Variants in KHDRBS2 observed in about 807,000 individuals in gnomAD.
KHDRBS2 encodes the protein KH RNA binding domain containing, signal transduction associated 2.
KHDRBS2 carries 26 observed loss-of-function variants against 44.3 expected under a neutral mutation model. The observed-to-expected ratio is 0.59, with a 90% CI of 0.43 to 0.81. The LOEUF (loss-of-function observed/expected upper bound fraction) is 0.81, where lower values mean the gene tolerates loss of function less well. KHDRBS2 is among the 40% of genes least tolerant of loss of function. The probability of loss-of-function intolerance (pLI) is 0.00; values close to 1 mark genes in which losing one functional copy is unlikely to be tolerated. For missense variants in KHDRBS2, 476 were observed against 433.1 expected (o/e 1.10, Z -0.88); for synonymous variants, 194 against 151.1 (o/e 1.28, Z -2.08).
rs551027697 is a variant in KHDRBS2, at chr6:61,942,980, G to T, written c.483+35086C>A. On this transcript the variant is annotated intron_variant, in intron 4 of 8. Coordinates refer to ENST00000281156, the MANE Select transcript of KHDRBS2 (RefSeq NM_152688.4). The stretch of plus-strand genomic sequence containing the variant: ...AAAGAGGAGAGAGAGAGGGAGGGAG[G>T]GGGAGGTAGGGAAGAAAGAAAGAAA... Among the ~76,000 whole-genome samples, 27 of 140,180 alleles carry T rather than the reference G, an allele frequency of 1.9e-4. No homozygotes were observed. The South Asian group carries it at 2.4e-3, about 12-fold the overall frequency. The allele number at this position is 140,180 out of a possible 152,430, so 92.0% of individuals were successfully genotyped here. A position where few individuals can be genotyped will look rare whatever the true frequency, so the allele number is the denominator to read the frequency against.
intron 7 of KHDRBS2, among the ~76,000 whole-genome samples, chr6:61,727,088 G>T (rs894854509): frequency 1.3e-5 from 2 of 151,930 alleles, no homozygotes; most frequent in Admixed American, 6.6e-5. Flanking sequence ...TAGAACAATG[G>T]AACAGAATAA....
chr6:62,005,271 T>C (rs538561515), intron 3 of KHDRBS2, among the ~76,000 whole-genome samples: 23 of 152,208 alleles, frequency 1.5e-4, no homozygotes, highest in African/African-American at 5.1e-4. Flanking sequence ...ACATAACTGA[T>C]TTTATTTATA....
At chr6:62,138,210 A>G (rs1450759824) in intron 2 of KHDRBS2, among the ~76,000 whole-genome samples, 2 of 152,194 alleles carry the variant, frequency 1.3e-5, no homozygotes, top group Non-Finnish European at 2.9e-5. Flanking sequence ...AAAGGTTATC[A>G]TATACTCCTC....
chr6:61,755,196 A>C (rs550174460), intron 6 of KHDRBS2, among the ~76,000 whole-genome samples: 3 of 152,242 alleles, frequency 2.0e-5, no homozygotes, highest in East Asian at 3.9e-4. Flanking sequence ...ATTACCTATA[A>C]AGTATTTTTA....
intron 1 of KHDRBS2, among the ~76,000 whole-genome samples, chr6:62,194,449 A>G (rs1488798028): frequency 7.1e-6 from 1 of 141,332 alleles, no homozygotes. Flanking sequence ...CCTTATGTCC[A>G]CACTACACTT....
chr6:61,910,947 C>T (rs563439115), intron 4 of KHDRBS2, among the ~76,000 whole-genome samples: 3 of 152,182 alleles, frequency 2.0e-5, no homozygotes, highest in Admixed American at 6.5e-5. Flanking sequence ...TCAAAATAGG[C>T]GTTGATTTAA....
chr6:61,682,534 A>T (rs1388395581), intron 8 of KHDRBS2, among the ~76,000 whole-genome samples: 1 of 151,932 alleles, frequency 6.6e-6, no homozygotes, highest in Non-Finnish European at 1.5e-5. Context: ...AAATAGTTTT[A>T]CTGGAACACA....
At chr6:61,737,647 G>A (rs1775573445) in intron 6 of KHDRBS2, among the ~76,000 whole-genome samples, 1 of 152,026 alleles carries the variant, frequency 6.6e-6, no homozygotes, top group Non-Finnish European at 1.5e-5. Context: ...CTGAAGAAGT[G>A]AGAAAAAAGC....
rs147657706 is a variant in KHDRBS2 at position 62,210,573 on chromosome 6, C to T, written c.92-33261G>A. Among the ~76,000 whole-genome samples the T allele has an allele frequency of 8.0e-3, 1,222 of 152,056 alleles. 16 individuals are homozygous for T. Among genetic ancestry groups the T allele is most frequent in the African/African-American group, 0.028 (1,149 of 41,490 alleles). On this transcript the variant is annotated intron_variant, in intron 1 of 8. Transcript: ENST00000281156. The stretch of plus-strand genomic sequence containing the variant: ...CTAGAACTCCTGACCTCAGGTGATC[C>T]GCCCTCCTCGGCCTCCCAAAGTGCT...
chr6:62,203,573 A>C (rs146594847), intron 1 of KHDRBS2, among the ~76,000 whole-genome samples: 93 of 152,166 alleles, frequency 6.1e-4, no homozygotes, highest in African/African-American at 2.2e-3. Flanking sequence ...AGGGAGGAGA[A>C]CCAGGAGATT....
At chr6:61,560,454 A>G in the KHDRBS2 span, among the ~76,000 whole-genome samples, 1 of 152,028 alleles carries the variant, frequency 6.6e-6, no homozygotes, top group African/African-American at 2.4e-5. Flanking sequence ...TACTCCTTTG[A>G]GGCTATTTTC....
intron 1 of KHDRBS2, among the ~76,000 whole-genome samples, chr6:62,237,054 T>G (rs1833816181): frequency 6.6e-6 from 1 of 152,204 alleles, no homozygotes; most frequent in Admixed American, 6.5e-5. Flanking sequence ...TTGCATATGA[T>G]GGCTTACTTC....
At chr6:61,968,385 G>T (rs1357015282) in intron 4 of KHDRBS2, among the ~76,000 whole-genome samples, 6 of 151,984 alleles carry the variant, frequency 3.9e-5, no homozygotes, top group African/African-American at 1.4e-4. Context: ...CCTTGCCTAT[G>T]TTTAAAACAA....
intron 6 of KHDRBS2, among the ~76,000 whole-genome samples, chr6:61,879,420 G>A (rs10498817): frequency 0.077 from 11,714 of 151,830 alleles, 518 homozygotes; most frequent in Middle Eastern, 0.15. Flanking sequence ...ATCTTTACAT[G>A]CTGTTAGCTT....
intron 6 of KHDRBS2, among the ~76,000 whole-genome samples, chr6:61,813,026 T>G (rs1412131269): frequency 2.0e-5 from 3 of 152,146 alleles, no homozygotes; most frequent in African/African-American, 7.2e-5. Flanking sequence ...AAAAAGATTT[T>G]GCTTCTACCA....
At chr6:61,914,000 G>C (rs773078854) in intron 4 of KHDRBS2, among the ~76,000 whole-genome samples, 6 of 152,050 alleles carry the variant, frequency 3.9e-5, no homozygotes. Flanking sequence ...ATAACAGAAG[G>C]CCTAAGGAAT....
At chr6:61,909,671 C>T (rs1251202543) in intron 4 of KHDRBS2, among the ~76,000 whole-genome samples, 1 of 34,832 alleles carries the variant, frequency 2.9e-5, no homozygotes, top group Non-Finnish European at 5.3e-5. Context: ...TTTGGATGTT[C>T]CAAAGGACTT....
intron 3 of KHDRBS2, among the ~76,000 whole-genome samples, chr6:61,979,117 T>G (rs1426220541): frequency 6.6e-6 from 1 of 152,076 alleles, no homozygotes; most frequent in Non-Finnish European, 1.5e-5. Flanking sequence ...ACATATCATC[T>G]CTAATCAAAA....
At chr6:61,608,749 C>T in the KHDRBS2 span, among the ~76,000 whole-genome samples, 1 of 152,214 alleles carries the variant, frequency 6.6e-6, no homozygotes, top group East Asian at 1.9e-4. Flanking sequence ...TCATCCATGT[C>T]CCTGAAAAGG....
Sources: gnomAD v4.1 joint callset for allele counts (sites outside exome capture counted in the v4.1 genomes callset) on GRCh38, gnomAD v4.1.1 for gene constraint, MANE v1.5 for transcripts, NCBI Gene and HGNC (gene_info 2026-07-23, HGNC 2026-07-21) for gene names.